The following KATNAL1 variants were observed in gnomAD, a reference collection of about 807,000 sequenced individuals.
KATNAL1 encodes the protein katanin catalytic subunit A1 like 1, also known as katanin p60 ATPase-containing subunit A-like 1.
KATNAL1 carries 32 observed loss-of-function variants against 55.2 expected under a neutral mutation model. The observed-to-expected ratio is 0.58, with a 90% CI of 0.44 to 0.78. KATNAL1 has a LOEUF of 0.78. Ranked by LOEUF, KATNAL1 falls within the 30% of genes least tolerant of loss-of-function variation. The pLI, the probability that KATNAL1 is intolerant of heterozygous loss-of-function variation, is 0.00. For missense variants in KATNAL1, 466 were observed against 600.9 expected (o/e 0.78, Z 2.35); for synonymous variants, 193 against 193.6 (o/e 1.00, Z 0.02).
intron 9 of KATNAL1, among the ~76,000 whole-genome samples, chr13:30,221,329 C>G (rs1026094745): frequency 1.3e-5 from 2 of 152,224 alleles, no homozygotes; most frequent in Non-Finnish European, 2.9e-5. Context: ...TATTGGCCAA[C>G]AGGCAGTGAA....
chr13:30,213,345 C>T (rs1045389137), intron 9 of KATNAL1, among the ~76,000 whole-genome samples: 2 of 152,108 alleles, frequency 1.3e-5, no homozygotes, highest in African/African-American at 4.8e-5. Flanking sequence ...ACCAGAGGTA[C>T]AAGGAGGAAC....
chr13:30,303,677 C>T (rs1266032766), intron 1 of KATNAL1, among the ~76,000 whole-genome samples: 1 of 152,200 alleles, frequency 6.6e-6, no homozygotes, highest in South Asian at 2.1e-4. Flanking sequence ...ACATTAAATA[C>T]TGTCAGAATT....
At chr13:30,268,238 A>G (rs1241843775) in intron 3 of KATNAL1, among the ~76,000 whole-genome samples, 1 of 152,244 alleles carries the variant, frequency 6.6e-6, no homozygotes, top group Non-Finnish European at 1.5e-5. Context: ...AACAAGCCAC[A>G]TATTGAAATG....
At chr13:30,277,797 A>C (rs928186636) in intron 3 of KATNAL1, among the ~76,000 whole-genome samples, 13 of 151,444 alleles carry the variant, frequency 8.6e-5, no homozygotes, top group Admixed American at 2.0e-4. Flanking sequence ...TCCCGGCTAA[A>C]ACGGTGAAAC....
intron 6 of KATNAL1, among the ~76,000 whole-genome samples, chr13:30,237,496 C>T (rs75508629): frequency 0.01 from 1,544 of 152,214 alleles, 23 homozygotes; most frequent in African/African-American, 0.034. Flanking sequence ...TGGGCATCTC[C>T]TTATTTTCTA....
At chr13:30,272,940 T>C (rs1649864540) in intron 3 of KATNAL1, among the ~76,000 whole-genome samples, 1 of 152,184 alleles carries the variant, frequency 6.6e-6, no homozygotes, top group African/African-American at 2.4e-5. Context: ...CGCTCACCTC[T>C]ATATCTGCCC....
chr13:30,225,396 A>T (rs1055434827), intron 9 of KATNAL1, among the ~76,000 whole-genome samples: 2 of 151,968 alleles, frequency 1.3e-5, no homozygotes, highest in African/African-American at 2.4e-5. Context: ...GACAACTTAT[A>T]AAAAAAATAG....
At chr13:30,293,854 T>C (rs1459750714) in intron 1 of KATNAL1, among the ~76,000 whole-genome samples, 2 of 152,234 alleles carry the variant, frequency 1.3e-5, no homozygotes, top group African/African-American at 2.4e-5. Context: ...TCTAACAGCA[T>C]GTGCTCACTT....
At chr13:30,259,563 G>C (rs1164387589) in intron 3 of KATNAL1, among the ~76,000 whole-genome samples, 1 of 152,236 alleles carries the variant, frequency 6.6e-6, no homozygotes, top group Non-Finnish European at 1.5e-5. Flanking sequence ...CACTCGGGAA[G>C]AGCGAGGGGT....
rs35974864 is a variant in KATNAL1, at chr13:30,276,516, CAAAAAA to C, written c.323+3541_323+3546del. On this transcript the variant is annotated intron_variant, in intron 3 of 10. Transcript: ENST00000380615. Reference sequence around the variant, plus strand: ...GGGTAAATTACAAGGTGAGAGATGGCAAAAAAAAAAAAAAAGAAAAAACAAAACAAG... The same window carrying C: ...GGGTAAATTACAAGGTGAGAGATGGCAAAAAAAAAGAAAAAACAAAACAAG... Among the ~76,000 whole-genome samples the C allele has an allele frequency of 2.5e-3, 245 of 99,108 alleles. 1 individual carries two copies. Among genetic ancestry groups the C allele is most frequent in the African/African-American group, 8.8e-3 (224 of 25,346 alleles). 65.0% of individuals were successfully genotyped at this position (99,108 alleles called of 152,430 possible).
intron 2 of KATNAL1, among the ~76,000 whole-genome samples, chr13:30,281,539 G>A (rs923173776): frequency 3.9e-5 from 6 of 152,178 alleles, no homozygotes; most frequent in Admixed American, 6.5e-5. Context: ...TTGAGCCTGA[G>A]TTGGAGCAAG....
chr13:30,259,459 A>G (rs1034428724), intron 3 of KATNAL1, among the ~76,000 whole-genome samples: 1 of 152,140 alleles, frequency 6.6e-6, no homozygotes, highest in Non-Finnish European at 1.5e-5. Context: ...CATCTGAGGT[A>G]CTGGGTTCAT....
At chr13:30,239,881 T>G (rs1877089199) in intron 6 of KATNAL1, among the ~76,000 whole-genome samples, 1 of 152,064 alleles carries the variant, frequency 6.6e-6, no homozygotes, top group Non-Finnish European at 1.5e-5. Context: ...AGATGAGGTT[T>G]CACCATGTTG....
In KATNAL1 at chr13:30,202,776, T is replaced by C. The variant is rs1872807051; in HGVS notation, c.*5764A>G. On this transcript the variant is annotated 3_prime_UTR_variant, in exon 11 of 11. Coordinates refer to ENST00000380615, the MANE Select transcript of KATNAL1 (RefSeq NM_032116.5). ...CTTGGAAACGTCTTTTTCTTTAAATTAGGTTCAAATACTGGGAGACAAACA... is the reference window on the plus strand; with the variant it reads ...CTTGGAAACGTCTTTTTCTTTAAATCAGGTTCAAATACTGGGAGACAAACA... 6.6e-6 allele frequency: 1 copy of C among 152,168 alleles called. No homozygotes were observed. Among genetic ancestry groups the C allele is most frequent in the South Asian group, 2.1e-4 (1 of 4,832 alleles). The allele number at this position is 152,168 out of a possible 1,614,324, so 9.4% of individuals were successfully genotyped here.
At chr13:30,213,553 C>T (rs1269353950) in intron 9 of KATNAL1, among the ~76,000 whole-genome samples, 2 of 152,152 alleles carry the variant, frequency 1.3e-5, no homozygotes, top group Non-Finnish European at 2.9e-5. Flanking sequence ...AATCCAGCAG[C>T]ACATCTAAAA....
intron 3 of KATNAL1, among the ~76,000 whole-genome samples, chr13:30,279,551 G>T (rs544648718): frequency 1.3e-5 from 2 of 152,200 alleles, no homozygotes; most frequent in Non-Finnish European, 2.9e-5. Flanking sequence ...CGTAAATGAT[G>T]CACAGGCTGG....
intron 3 of KATNAL1, among the ~76,000 whole-genome samples, chr13:30,263,486 A>G (rs1185826649): frequency 1.3e-5 from 2 of 151,810 alleles, no homozygotes; most frequent in African/African-American, 4.8e-5. Flanking sequence ...GTCTCAGCCC[A>G]AAATCTCCTT....
intron 9 of KATNAL1, among the ~76,000 whole-genome samples, chr13:30,213,753 A>C (rs1204197676): frequency 1.3e-5 from 2 of 152,218 alleles, no homozygotes; most frequent in Non-Finnish European, 2.9e-5. Context: ...TCAATAAATT[A>C]GGTATTGATG....
At chr13:30,243,896 G>A (rs919749845) in intron 4 of KATNAL1, among the ~76,000 whole-genome samples, 1 of 151,968 alleles carries the variant, frequency 6.6e-6, no homozygotes, top group Non-Finnish European at 1.5e-5. Context: ...AATGGCCCAA[G>A]GAAAGTGCAA....
Sources: gnomAD v4.1 joint callset for allele counts (sites outside exome capture counted in the v4.1 genomes callset) on GRCh38, gnomAD v4.1.1 for gene constraint, MANE v1.5 for transcripts, NCBI Gene and HGNC (gene_info 2026-07-23, HGNC 2026-07-21) for gene names.